The following OR1M1 variants were observed in gnomAD, a reference collection of about 807,000 sequenced individuals.
OR1M1 encodes olfactory receptor 1M1.
For missense variants in OR1M1, 397 were observed against 401.8 expected, an observed-to-expected ratio of 0.99 and a Z score of 0.10; for synonymous variants, 157 against 165.5, an observed-to-expected ratio of 0.95 and a Z score of 0.39.
rs746194472 is a variant in OR1M1 at position 9,093,903 on chromosome 19, G to T, written c.659G>T (p.Arg220Leu). The part of the protein sequence containing the change: ...PFVCILASYA[R>L]ILVAIMKVPS... ...GTCTGCATCCTGGCCTCCTATGCTC[G>T]CATCCTTGTGGCCATCATGAAGGTC... Residue 220 changes from arginine to leucine, a missense_variant, in exon 2 of 2, where the codon CGC (arginine) becomes CTC (leucine). Transcript: ENST00000641627. 8 of 1,613,938 alleles carry T rather than the reference G, an allele frequency of 5.0e-6. No homozygotes were observed. In the Admixed American group the frequency reaches 5.0e-5, roughly 10 times the overall value.
In OR1M1 at chr19:9,093,976, C is replaced by G. The variant is rs376147056; in HGVS notation, c.732C>G (p.His244Gln). The change falls in exon 2 of 2, where the codon CAC becomes CAG. Residue 244 changes from histidine to glutamine, a missense_variant. Transcript: ENST00000641627. The stretch of plus-strand genomic sequence containing the variant: ...AAGCCTTCTCCACCTGCAGCTCCCA[C>G]CTGTCTGTGGTTGCTCTCTTCTATG... ...RKKAFSTCSS[H>Q]LSVVALFYGT... The G allele has an allele frequency of 6.2e-7, 1 of 1,614,082 alleles. No individual in the cohort carries two copies. The highest frequency in any genetic ancestry group is 8.5e-7 in the Non-Finnish European group (1 of 1,180,040).
At chr19:9,092,924 T>C (rs546369764) in intron 1 of OR1M1, among the ~76,000 whole-genome samples, 2 of 149,022 alleles carry the variant, frequency 1.3e-5, no homozygotes, top group African/African-American at 2.4e-5. Context: ...TATGTATATA[T>C]ACATAATATG....
chr19:9,091,577 T>G (rs564728972), intron 1 of OR1M1, among the ~76,000 whole-genome samples: 30 of 151,978 alleles, frequency 2.0e-4, no homozygotes, highest in African/African-American at 6.8e-4. Flanking sequence ...GAGAATTGCT[T>G]GAGCCTGGGA....
chr19:9,092,423 G>C (rs867695088), intron 1 of OR1M1, among the ~76,000 whole-genome samples: 4 of 151,708 alleles, frequency 2.6e-5, no homozygotes, highest in Admixed American at 1.3e-4. Context: ...GCAAGATCCT[G>C]TCTCCACCAC....
At position 9,093,804 on chromosome 19, in the gene OR1M1, T is replaced by A. The variant is rs755110046; in HGVS notation, c.560T>A (p.Leu187His). 1 of 1,614,032 alleles carries A rather than the reference T, an allele frequency of 6.2e-7. No individual in the cohort carries two copies. The highest frequency in any genetic ancestry group is 8.5e-7 in the Non-Finnish European group (1 of 1,180,036). ...TGCGACCTCACTCCCATCCTCCGACTTTCGTGCACGGACACCTCTGTGAAT... is the reference window on the plus strand; with the variant it reads ...TGCGACCTCACTCCCATCCTCCGACATTCGTGCACGGACACCTCTGTGAAT... The part of the protein sequence containing the change: ...YFCDLTPILR[L>H]SCTDTSVNRI... Residue 187 changes from leucine to histidine, a missense_variant, in exon 2 of 2, where the codon CTT (leucine) becomes CAT (histidine). Coordinates refer to ENST00000641627, the MANE Select transcript of OR1M1 (RefSeq NM_001004456.2).
At chr19:9,087,327 G>A (rs1427258094) in intron 1 of OR1M1, among the ~76,000 whole-genome samples, 170 bp downstream of exon 1, 2 of 152,106 alleles carry the variant, frequency 1.3e-5, no homozygotes, top group East Asian at 3.9e-4. Flanking sequence ...ATTCAGGCTG[G>A]AGTGCAGTGG....
chr19:9,088,125 A>T (rs1442582755), intron 1 of OR1M1, among the ~76,000 whole-genome samples: 1 of 151,994 alleles, frequency 6.6e-6, no homozygotes, highest in African/African-American at 2.4e-5. Context: ...TCTTGACCTC[A>T]GGTGATCCAC....
chr19:9,088,460 G>A (rs2591603), intron 1 of OR1M1, among the ~76,000 whole-genome samples: 103,215 of 151,956 alleles, frequency 0.68, 35,237 homozygotes, highest in East Asian at 0.8. Flanking sequence ...CAAGAGCTGT[G>A]GAAGAATGAG....
At chr19:9,091,740 A>G (rs2050294354) in intron 1 of OR1M1, among the ~76,000 whole-genome samples, 1 of 151,948 alleles carries the variant, frequency 6.6e-6, no homozygotes, top group Admixed American at 6.6e-5. Flanking sequence ...TTGACGGTGG[A>G]GGTAGAAAGG....
At chr19:9,087,921 T>TA (rs759279177) in intron 1 of OR1M1, among the ~76,000 whole-genome samples, 9 of 150,920 alleles carry the variant, frequency 6.0e-5, no homozygotes, top group Non-Finnish European at 1.2e-4. Flanking sequence ...AATGGAGTCT[T>TA]ACTCTGTCAC....
intron 1 of OR1M1, among the ~76,000 whole-genome samples, chr19:9,091,592 G>A (rs2050293333): frequency 6.6e-6 from 1 of 151,828 alleles, no homozygotes; most frequent in Non-Finnish European, 1.5e-5. Flanking sequence ...CTGGGAAGCA[G>A]AGATTACAGT....
intron 1 of OR1M1, among the ~76,000 whole-genome samples, chr19:9,089,421 ATTTT>A (rs35699571): frequency 4.0e-4 from 48 of 118,646 alleles, no homozygotes; most frequent in East Asian, 1.0e-3. Flanking sequence ...TTTCTACCAC[ATTTT>A]TTTTTTTTTT....
At chr19:9,092,913 A>G (rs188359657) in intron 1 of OR1M1, among the ~76,000 whole-genome samples, 30 of 149,138 alleles carry the variant, frequency 2.0e-4, no homozygotes, top group Non-Finnish European at 3.7e-4. Context: ...AAATATATAT[A>G]TATGTATATA....
chr19:9,091,614 G>A (rs1395305758), intron 1 of OR1M1, among the ~76,000 whole-genome samples: 3 of 151,696 alleles, frequency 2.0e-5, no homozygotes, highest in Admixed American at 6.6e-5. Context: ...AGCCAAGATC[G>A]TGCCACTGCA....
chr19:9,093,908 C>T lies in OR1M1; in HGVS notation c.664C>T (p.Leu222Phe), dbSNP rs1357782881. 2 of 1,614,228 alleles carry T rather than the reference C, an allele frequency of 1.2e-6. No homozygotes were observed. The change falls in exon 2 of 2, where the codon CTT (leucine) becomes TTT (phenylalanine). Residue 222 changes from leucine (L) to phenylalanine (F), a missense_variant. Physicochemically the swap from Leu to Phe is conservative, Grantham distance 22 (BLOSUM62 0). Transcript: ENST00000641627. ...CATCCTGGCCTCCTATGCTCGCATC[C>T]TTGTGGCCATCATGAAGGTCCCCTC... is the stretch of plus-strand genomic sequence containing the variant. ...VCILASYARILVAIMKVPSAG... is the reference protein window; with the variant it reads ...VCILASYARIFVAIMKVPSAG...
chr19:9,090,916 C>T (rs2050288714), intron 1 of OR1M1, among the ~76,000 whole-genome samples: 1 of 151,572 alleles, frequency 6.6e-6, no homozygotes, highest in Non-Finnish European at 1.5e-5. Context: ...CCTGTAATCC[C>T]AGCACTTTGA....
At chr19:9,087,363 T>C (rs1234346236) in intron 1 of OR1M1, among the ~76,000 whole-genome samples, 1 of 152,096 alleles carries the variant, frequency 6.6e-6, no homozygotes, top group Non-Finnish European at 1.5e-5. Context: ...CTGCAGCTTC[T>C]ACCTCCTGGG....
rs1474645154 is a variant in OR1M1 at position 9,094,391 on chromosome 19, G to C, written c.*205G>C. 8.5e-6 allele frequency: 4 copies of C among 471,236 alleles called. No individual in the cohort carries two copies. The highest frequency in any genetic ancestry group is 2.0e-5 in the African/African-American group (1 of 50,528). 29.2% of individuals were successfully genotyped at this position (471,236 alleles called of 1,614,324 possible). A position where few individuals can be genotyped will look rare whatever the true frequency, so the allele number is the denominator to read the frequency against. On this transcript the variant is annotated 3_prime_UTR_variant, in exon 2 of 2. Transcript: ENST00000641627. ...ACTGCAGCTTCAAACTTCTCTCTCT[G>C]TGTGCATTGTTTTACTAGAGACAGG...
rs1395563777 is a variant in OR1M1, at chr19:9,089,467, C to A, written c.-14+2310C>A. Among the ~76,000 whole-genome samples the A allele has an allele frequency of 2.7e-5, 4 of 148,936 alleles. No homozygotes were observed. In the South Asian group the frequency reaches 6.4e-4, roughly 24 times the overall value. On this transcript the variant is annotated intron_variant, in intron 1 of 1. Coordinates refer to ENST00000641627, the MANE Select transcript of OR1M1 (RefSeq NM_001004456.2). ...AGACAGAGTTTCGCTCTTGTCACCC[C>A]GGCTGGAGTGCAATGGCACAATCTC... is the stretch of plus-strand genomic sequence containing the variant.
Sources: gnomAD v4.1 joint callset for allele counts (sites outside exome capture counted in the v4.1 genomes callset) on GRCh38, gnomAD v4.1.1 for gene constraint, MANE v1.5 for transcripts, NCBI Gene and HGNC (gene_info 2026-07-23, HGNC 2026-07-21) for gene names.